LRRN3: variants seen among roughly 807,000 people sequenced by gnomAD.
The protein encoded by LRRN3 is leucine-rich repeat neuronal protein 3.
In LRRN3, 15 loss-of-function variants were observed where a neutral mutation model predicts 40.1. That is an observed-to-expected ratio of 0.37 (90% CI 0.25 to 0.58). The LOEUF is 0.58. Ranked by LOEUF, LRRN3 falls within the 20% of genes least tolerant of loss-of-function variation. The pLI, the probability that LRRN3 is intolerant of heterozygous loss-of-function variation, is 0.72. For synonymous variants in LRRN3, 308 were observed against 297.2 expected (o/e 1.04, Z -0.37); for missense variants, 746 against 837.7 (o/e 0.89, Z 1.35).
intron 1 of LRRN3, among the ~76,000 whole-genome samples, chr7:111,094,436 A>C (rs1330511560): frequency 6.6e-6 from 1 of 152,150 alleles, no homozygotes; most frequent in East Asian, 1.9e-4. Flanking sequence ...ATGTGGCTCC[A>C]GCCAGTCTGA....
At chr7:111,121,766 G>C (rs1800654297) in intron 2 of LRRN3, among the ~76,000 whole-genome samples, 1 of 152,120 alleles carries the variant, frequency 6.6e-6, no homozygotes, top group Non-Finnish European at 1.5e-5. Context: ...CTGATATAAA[G>C]ACACATGCAC....
At chr7:111,108,913 A>G (rs1038468301) in intron 2 of LRRN3, among the ~76,000 whole-genome samples, 29 of 152,228 alleles carry the variant, frequency 1.9e-4, no homozygotes, top group Non-Finnish European at 2.2e-4. Context: ...GAACAACAAT[A>G]GCAGGCAATA....
At chr7:111,103,291 C>T (rs140771310) in intron 2 of LRRN3, among the ~76,000 whole-genome samples, 6 of 151,650 alleles carry the variant, frequency 4.0e-5, no homozygotes, top group East Asian at 3.9e-4. Flanking sequence ...AACAAGCATA[C>T]ACGTATACAT....
intron 2 of LRRN3, among the ~76,000 whole-genome samples, chr7:111,103,915 A>T (rs1426195491): frequency 1.3e-5 from 2 of 151,628 alleles, no homozygotes; most frequent in African/African-American, 2.4e-5. Context: ...CTTCTATTGA[A>T]CACCATTTTG....
intron 1 of LRRN3, among the ~76,000 whole-genome samples, chr7:111,099,470 C>G (rs1304173744): frequency 1.3e-5 from 2 of 151,662 alleles, no homozygotes; most frequent in Non-Finnish European, 3.0e-5. Context: ...CTGAGCCAAA[C>G]CTAAAACTTT....
At chr7:111,104,026 T>C (rs1242043005) in intron 2 of LRRN3, among the ~76,000 whole-genome samples, 2 of 151,670 alleles carry the variant, frequency 1.3e-5, no homozygotes, top group Non-Finnish European at 3.0e-5. Flanking sequence ...GGTACTCCTG[T>C]AATATGTGTG....
At chr7:111,111,169 A>G (rs1217748072) in intron 2 of LRRN3, among the ~76,000 whole-genome samples, 1 of 152,086 alleles carries the variant, frequency 6.6e-6, no homozygotes, top group African/African-American at 2.4e-5. Context: ...GCAAATTTAT[A>G]ACCCTGTTTT....
chr7:111,101,544 T>C (rs1797977058), intron 2 of LRRN3, among the ~76,000 whole-genome samples: 1 of 147,164 alleles, frequency 6.8e-6, no homozygotes, highest in Non-Finnish European at 1.5e-5. Flanking sequence ...GTAGATTTAG[T>C]AAAAAAAAAA....
intron 2 of LRRN3, among the ~76,000 whole-genome samples, chr7:111,117,285 T>A (rs1184113829): frequency 1.3e-5 from 2 of 152,128 alleles, no homozygotes; most frequent in East Asian, 3.8e-4. Context: ...AATAGTATCA[T>A]GTAAGTTTGG....
rs1455765954 is a variant in LRRN3 at position 111,099,875 on chromosome 7, A to G, written c.-440-6A>G. The G allele has an allele frequency of 1.3e-5, 2 of 151,710 alleles. No individual in the cohort carries two copies. Among genetic ancestry groups the G allele is most frequent in the Non-Finnish European group, 3.0e-5 (2 of 67,784 alleles). The allele number at this position is 151,710 out of a possible 1,614,324, so 9.4% of individuals were successfully genotyped here. The stretch of plus-strand genomic sequence containing the variant: ...TTTTTCCTGCTACTTCTTACATACA[A>G]CAAAGACGAGGAAGAGGAGGAGAAA... On this transcript the variant is annotated splice_polypyrimidine_tract_variant and splice_region_variant and intron_variant, in intron 1 of 2. Coordinates refer to ENST00000308478, the MANE Select transcript of LRRN3 (RefSeq NM_001099658.2).
intron 2 of LRRN3, among the ~76,000 whole-genome samples, chr7:111,105,441 G>A (rs1285458216): frequency 6.6e-6 from 1 of 151,824 alleles, no homozygotes; most frequent in African/African-American, 2.4e-5. Flanking sequence ...TTGACCAAAT[G>A]AGACTGCATA....
intron 2 of LRRN3, among the ~76,000 whole-genome samples, chr7:111,120,417 G>A (rs1800450895): frequency 6.6e-6 from 1 of 152,028 alleles, no homozygotes; most frequent in Admixed American, 6.6e-5. Flanking sequence ...GATCTCCTGA[G>A]ACTTATTTCA....
chr7:111,091,916 G>A (rs914358100), intron 1 of LRRN3, among the ~76,000 whole-genome samples: 2 of 151,966 alleles, frequency 1.3e-5, no homozygotes, highest in African/African-American at 4.8e-5. Flanking sequence ...GTGATGGGGT[G>A]CAATTTTCCT....
At chr7:111,112,500 CA>C (rs1464717092) in intron 2 of LRRN3, among the ~76,000 whole-genome samples, 3 of 152,168 alleles carry the variant, frequency 2.0e-5, no homozygotes, top group Non-Finnish European at 2.9e-5. Context: ...AACATGCACA[CA>C]GCCATAAATA....
intron 2 of LRRN3, among the ~76,000 whole-genome samples, chr7:111,118,783 G>A (rs938246691): frequency 2.0e-5 from 3 of 151,928 alleles, no homozygotes; most frequent in South Asian, 2.1e-4. Flanking sequence ...CTAAAGAAAC[G>A]ATAAATTTCT....
Position 111,122,969 on chromosome 7 carries a change from G to T in LRRN3, c.197G>T (p.Arg66Ile), listed in dbSNP as rs1486941739. 1.9e-6 allele frequency: 3 copies of T among 1,614,036 alleles called. No homozygotes were observed. Among genetic ancestry groups the T allele is most frequent in the African/African-American group, 1.3e-5 (1 of 75,028 alleles). ...NDLGLLTFPA[R>I]LPANTQILLL... The stretch of plus-strand genomic sequence containing the variant: ...TTAGGTCTTTTAACTTTCCCAGCCA[G>T]ATTGCCAGCTAACACACAGATTCTT... The change falls in exon 3 of 3, where the codon AGA (arginine) becomes ATA (isoleucine). Residue 66 changes from arginine to isoleucine, a missense_variant. By Grantham distance (97) the Arg-to-Ile change is moderately conservative (BLOSUM62 -3). Coordinates refer to ENST00000308478, the MANE Select transcript of LRRN3 (RefSeq NM_001099658.2).
intron 2 of LRRN3, among the ~76,000 whole-genome samples, chr7:111,100,471 G>A (rs1432101538): frequency 6.8e-6 from 1 of 148,132 alleles, no homozygotes; most frequent in Non-Finnish European, 1.5e-5. Flanking sequence ...AACATATACA[G>A]ATTTAAAATA....
At chr7:111,112,278 C>T (rs214878) in intron 2 of LRRN3, among the ~76,000 whole-genome samples, 7,791 of 152,080 alleles carry the variant, frequency 0.051, 351 homozygotes, top group African/African-American at 0.12. Context: ...AAATGAAAAA[C>T]TTTAACCTGC....
chr7:111,099,787 A>C (rs2129579738), intron 1 of LRRN3, 94 bp from the exon 2 acceptor site: 1 of 151,860 alleles, frequency 6.6e-6, no homozygotes. Flanking sequence ...GTGAATCATG[A>C]ATAACCTAAC....
Sources: allele counts gnomAD v4.1 joint callset (sites outside exome capture counted in the v4.1 genomes callset), GRCh38; gene constraint gnomAD v4.1.1; transcripts MANE v1.5; gene names NCBI Gene and HGNC (gene_info 2026-07-23, HGNC 2026-07-21).